The following ANO2 variants were observed in gnomAD, a reference collection of about 807,000 sequenced individuals.
ANO2 encodes anoctamin-2.
In ANO2, 101 loss-of-function variants were observed where a neutral mutation model predicts 124.2. The ratio of observed to expected loss-of-function variants is 0.81; its 90% CI spans 0.69 to 0.96. ANO2 has a LOEUF of 0.96. Among genes scored for constraint, ANO2 ranks in the 40% least tolerant of loss-of-function variants. ANO2 has a pLI of 0.00. For missense variants in ANO2, 1,293 were observed against 1,274.5 expected, an observed-to-expected ratio of 1.01 and a Z score of -0.22; for synonymous variants, 486 against 482.5, an observed-to-expected ratio of 1.01 and a Z score of -0.09.
intron 3 of ANO2, among the ~76,000 whole-genome samples, chr12:5,901,459 C>T (rs547813728): frequency 5.8e-4 from 89 of 152,262 alleles, no homozygotes; most frequent in Non-Finnish European, 1.0e-3. Context: ...AAGAAAGGTT[C>T]GGGTCAGACT....
chr12:5,566,380 G>A (rs929301074), intron 23 of ANO2, among the ~76,000 whole-genome samples: 2 of 152,112 alleles, frequency 1.3e-5, no homozygotes, highest in Non-Finnish European at 2.9e-5. Flanking sequence ...GAGAAGCCTT[G>A]GGTTTTCCCT....
At chr12:5,598,960 A>G (rs569106976) in intron 20 of ANO2, among the ~76,000 whole-genome samples, 2 of 55,004 alleles carry the variant, frequency 3.6e-5, no homozygotes, top group East Asian at 6.8e-4. Flanking sequence ...CTACCGAAAT[A>G]GACCCAACTT....
chr12:5,627,181 C>T (rs1027748553), intron 16 of ANO2, among the ~76,000 whole-genome samples: 2 of 152,202 alleles, frequency 1.3e-5, no homozygotes, highest in African/African-American at 4.8e-5. Flanking sequence ...TCCTGCCATC[C>T]TCTCTGTTTC....
chr12:5,594,777 G>A (rs1051374875), intron 20 of ANO2, among the ~76,000 whole-genome samples: 5 of 152,180 alleles, frequency 3.3e-5, no homozygotes, highest in African/African-American at 4.8e-5. Context: ...GGTCCAGGCT[G>A]CAGTGACCCA....
chr12:5,704,921 A>G (rs1000762350), intron 14 of ANO2, among the ~76,000 whole-genome samples: 34 of 152,218 alleles, frequency 2.2e-4, no homozygotes, highest in Non-Finnish European at 1.2e-4. Context: ...AACATAACCT[A>G]CTTTAAGTAA....
At chr12:5,757,472 T>C (rs994034840) in intron 10 of ANO2, among the ~76,000 whole-genome samples, 13 of 152,192 alleles carry the variant, frequency 8.5e-5, no homozygotes, top group South Asian at 4.1e-4. Flanking sequence ...AGGAGCAATA[T>C]ATTTAATTTC....
At chr12:5,939,330 T>C (rs539415694) in intron 1 of ANO2, among the ~76,000 whole-genome samples, 1 of 152,172 alleles carries the variant, frequency 6.6e-6, no homozygotes, top group Admixed American at 6.5e-5. Context: ...GCCTAGAAGT[T>C]TCTCCCTGCT....
intron 1 of ANO2, among the ~76,000 whole-genome samples, chr12:5,926,885 T>G (rs1347834942): frequency 6.6e-6 from 1 of 152,220 alleles, no homozygotes; most frequent in Non-Finnish European, 1.5e-5. Flanking sequence ...TAGTTTTTAC[T>G]TCGGTGATTT....
intron 14 of ANO2, among the ~76,000 whole-genome samples, chr12:5,691,288 A>G (rs1948926060): frequency 1.4e-5 from 2 of 141,300 alleles, no homozygotes; most frequent in Non-Finnish European, 3.0e-5. Context: ...AGATCGCACC[A>G]TTGCACTCCA....
chr12:5,850,459 G>T (rs1954849274), intron 4 of ANO2, among the ~76,000 whole-genome samples: 1 of 151,712 alleles, frequency 6.6e-6, no homozygotes, highest in South Asian at 2.1e-4. Context: ...AAGATCTGGG[G>T]CCATGTGGTA....
intron 14 of ANO2, among the ~76,000 whole-genome samples, chr12:5,683,361 C>T (rs539871130): frequency 6.6e-6 from 1 of 152,186 alleles, no homozygotes; most frequent in Non-Finnish European, 1.5e-5. Flanking sequence ...TTAGGAGATT[C>T]AAAAATATCA....
chr12:5,700,701 TAAA>T (rs1439499782), intron 14 of ANO2, among the ~76,000 whole-genome samples: 1 of 151,908 alleles, frequency 6.6e-6, no homozygotes, highest in African/African-American at 2.4e-5. Flanking sequence ...GCAAGACTAA[TAAA>T]GAAGAAAAGA....
At chr12:5,877,908 G>C (rs1056710494) in intron 3 of ANO2, among the ~76,000 whole-genome samples, 1 of 152,232 alleles carries the variant, frequency 6.6e-6, no homozygotes, top group Non-Finnish European at 1.5e-5. Context: ...GCAGTAATGT[G>C]AGTGATGGGG....
chr12:5,916,456 G>C (rs1941378392), intron 3 of ANO2, among the ~76,000 whole-genome samples: 1 of 124,792 alleles, frequency 8.0e-6, no homozygotes. Context: ...AGTCTTAGGA[G>C]ACCTGACAAC....
chr12:5,579,327 G>A (rs1312208157), intron 20 of ANO2, among the ~76,000 whole-genome samples: 2 of 152,204 alleles, frequency 1.3e-5, no homozygotes, highest in African/African-American at 4.8e-5. Context: ...GATAGAGAAG[G>A]CCCAAATGGA....
chr12:5,789,956 T>A (rs1180011491), intron 10 of ANO2, among the ~76,000 whole-genome samples: 2 of 152,140 alleles, frequency 1.3e-5, no homozygotes, highest in Non-Finnish European at 2.9e-5. Flanking sequence ...AGGACTGAGG[T>A]GCTCAGGGGT....
chr12:5,719,934 C>A (rs776207197), intron 14 of ANO2, among the ~76,000 whole-genome samples: 2 of 152,222 alleles, frequency 1.3e-5, no homozygotes, highest in Non-Finnish European at 2.9e-5. Context: ...GAGAGTCTAC[C>A]TCCCCCAGAA....
At chr12:5,613,048 A>T in intron 17 of ANO2, 90 bp from the exon 18 acceptor site, 1 of 1,300,272 alleles carries the variant, frequency 7.7e-7, no homozygotes, top group Non-Finnish European at 1.1e-6. Context: ...TACCACCACC[A>T]CTGTCCTCTT....
chr12:5,807,344 T>C lies in ANO2; in HGVS notation c.917A>G (p.Asn306Ser), dbSNP rs753673680. The C allele has an allele frequency of 6.4e-6, 10 of 1,556,906 alleles. No individual in the cohort carries two copies. Among genetic ancestry groups the C allele is most frequent in the African/African-American group, 2.7e-5 (2 of 73,452 alleles). The stretch of plus-strand genomic sequence containing the variant: ...AAGAGGGTAGGCAGCCTCATAGATA[T>C]TGTTTGCGATCAGAGAGTTAATACC... ...TMGINSLIAN[N>S]IYEAAYPLHD... The change falls in exon 8 of 25, where the codon AAT becomes AGT. Residue 306 changes from asparagine to serine, a missense_variant. Asn to Ser is a conservative substitution (Grantham distance 46, BLOSUM62 1). Transcript: ENST00000682330.
Sources: gnomAD v4.1 joint callset for allele counts (sites outside exome capture counted in the v4.1 genomes callset) on GRCh38, gnomAD v4.1.1 for gene constraint, MANE v1.5 for transcripts, NCBI Gene and HGNC (gene_info 2026-07-23, HGNC 2026-07-21) for gene names.